The following PARP15 variants were observed in gnomAD, a reference collection of about 807,000 sequenced individuals.
PARP15 encodes protein mono-ADP-ribosyltransferase PARP15.
Under a neutral mutation model 62.1 loss-of-function variants are expected in PARP15, and 50 were observed. The ratio of observed to expected loss-of-function variants is 0.81; its 90% CI spans 0.64 to 1.02. PARP15 has a LOEUF of 1.02. Ranked by LOEUF, PARP15 falls within the 50% of genes least tolerant of loss-of-function variation. The pLI is 0.00. For synonymous variants in PARP15, 309 were observed against 293.1 expected, an observed-to-expected ratio of 1.05 and a Z score of -0.55; for missense variants, 820 against 826.5, an observed-to-expected ratio of 0.99 and a Z score of 0.10.
At chr3:122,597,989 TG>T (rs1186519739) in intron 1 of PARP15, among the ~76,000 whole-genome samples, 2 of 152,234 alleles carry the variant, frequency 1.3e-5, no homozygotes, top group Non-Finnish European at 2.9e-5. Context: ...TTTTCACTGT[TG>T]TGTTATTTTG....
At chr3:122,615,567 G>A in intron 4 of PARP15, 2 of 1,214,088 alleles carry the variant, frequency 1.6e-6, no homozygotes, top group Non-Finnish European at 2.3e-6. Context: ...GACAGTGTTA[G>A]TTTACTCACA....
In PARP15 at chr3:122,615,169, C is replaced by T. The variant is rs528490843; in HGVS notation, c.772-610C>T. 5.7e-5 allele frequency: 69 copies of T among 1,212,802 alleles called. No homozygotes were observed. The East Asian group carries it at 1.0e-3, about 18-fold the overall frequency. 75.1% of individuals were successfully genotyped at this position (1,212,802 alleles called of 1,614,324 possible). A position where few individuals can be genotyped will look rare whatever the true frequency, so the allele number is the denominator to read the frequency against. ...GTGAAACTTTATAACTCTACTCTGT[C>T]GCCCATTGCTCAATTTTATCACTCA... is the stretch of plus-strand genomic sequence containing the variant. On this transcript the variant is annotated intron_variant, in intron 4 of 11. Transcript: ENST00000464300.
chr3:122,609,157 A>ATTTTG (rs968807687), intron 2 of PARP15, among the ~76,000 whole-genome samples: 73 of 152,060 alleles, frequency 4.8e-4, no homozygotes, highest in Admixed American at 1.8e-3. Flanking sequence ...GCTAGATCTA[A>ATTTTG]TTTTGTTTTG....
At chr3:122,612,686 T>C (rs1935656439) in intron 3 of PARP15, among the ~76,000 whole-genome samples, 1 of 152,074 alleles carries the variant, frequency 6.6e-6, no homozygotes, top group African/African-American at 2.4e-5. Context: ...ATTATCTGCC[T>C]GCCTCAGCTT....
At chr3:122,624,234 C>CT (rs1936543047) in intron 8 of PARP15, among the ~76,000 whole-genome samples, 1 of 152,046 alleles carries the variant, frequency 6.6e-6, no homozygotes, top group South Asian at 2.1e-4. Flanking sequence ...TATGAAGTAG[C>CT]TGGAATAGCT....
chr3:122,606,431 C>A (rs773356723), intron 2 of PARP15, among the ~76,000 whole-genome samples: 3 of 152,182 alleles, frequency 2.0e-5, no homozygotes, highest in Non-Finnish European at 4.4e-5. Flanking sequence ...CACAAACACG[C>A]CTTTGCTCCT....
chr3:122,606,984 C>T (rs1215501813), intron 2 of PARP15, among the ~76,000 whole-genome samples: 4 of 149,736 alleles, frequency 2.7e-5, no homozygotes, highest in African/African-American at 1.0e-4. Flanking sequence ...GGGGAGGCAG[C>T]CGGCTGCTTT....
intron 1 of PARP15, among the ~76,000 whole-genome samples, chr3:122,595,704 T>C (rs112386773): frequency 0.084 from 12,712 of 152,152 alleles, 544 homozygotes; most frequent in Non-Finnish European, 0.1. Flanking sequence ...CTAATTTTTG[T>C]ATTTTTTTTG....
Position 122,636,787 on chromosome 3 carries a change from T to C in PARP15, c.*687T>C, listed in dbSNP as rs981390649. ...GGTCTCTCTGAAGTTACAGACAAGA[T>C]GTCAGGGGATGTGGTCGTTTGAAGG... On this transcript the variant is annotated 3_prime_UTR_variant, in exon 12 of 12. Transcript: ENST00000464300. The C allele has an allele frequency of 6.6e-6, 1 of 152,242 alleles. No individual in the cohort carries two copies. Among genetic ancestry groups the C allele is most frequent in the African/African-American group, 2.4e-5 (1 of 41,420 alleles). The allele number at this position is 152,242 out of a possible 1,614,324, so 9.4% of individuals were successfully genotyped here. A position where few individuals can be genotyped will look rare whatever the true frequency, so the allele number is the denominator to read the frequency against.
In PARP15 at chr3:122,593,120, C is replaced by CTATCTATG. The variant is rs373898846; in HGVS notation, c.187-12813_187-12812insCTATGTAT. Among the ~76,000 whole-genome samples, 178 of 30,632 alleles carry CTATCTATG rather than the reference C, an allele frequency of 5.8e-3. 1 individual carries two copies. The highest frequency in any genetic ancestry group is 7.2e-3 in the African/African-American group (171 of 23,656). 20.1% of individuals were successfully genotyped at this position (30,632 alleles called of 152,430 possible). Reference sequence around the variant, plus strand: ...TCTATCTATCTATCTATCTATCTATCTATGTATCTATCTATCATGTATCTA... The same window carrying CTATCTATG: ...TCTATCTATCTATCTATCTATCTATCTATCTATGTATGTATCTATCTATCATGTATCTA... On this transcript the variant is annotated intron_variant, in intron 1 of 11. Coordinates refer to ENST00000464300, the MANE Select transcript of PARP15 (RefSeq NM_001113523.3).
intron 1 of PARP15, among the ~76,000 whole-genome samples, chr3:122,579,999 G>GTGTATATA (rs1553725409): frequency 1.8e-3 from 118 of 64,446 alleles, no homozygotes; most frequent in Middle Eastern, 8.1e-3. Context: ...GCAACTATAT[G>GTGTATATA]TATATATATA....
intron 6 of PARP15, among the ~76,000 whole-genome samples, chr3:122,617,677 G>T (rs1936070748): frequency 6.6e-6 from 1 of 152,014 alleles, no homozygotes; most frequent in South Asian, 2.1e-4. Context: ...ACACATTCGG[G>T]CAGGCCCTCC....
chr3:122,596,354 C>CAAAAAAAAAAA (rs35559014), intron 1 of PARP15, among the ~76,000 whole-genome samples: 1 of 46,916 alleles, frequency 2.1e-5, no homozygotes, highest in Non-Finnish European at 3.7e-5. Context: ...GACTCCATCT[C>CAAAAAAAAAAA]AAAAAAAAAA....
intron 10 of PARP15, among the ~76,000 whole-genome samples, chr3:122,634,596 G>A (rs1353579969): frequency 6.6e-6 from 1 of 152,172 alleles, no homozygotes; most frequent in African/African-American, 2.4e-5. Context: ...ATAACAGAAA[G>A]AATTGTTATG....
chr3:122,593,128 C>CTATG (rs1351045326), intron 1 of PARP15, among the ~76,000 whole-genome samples: 6 of 148,136 alleles, frequency 4.1e-5, no homozygotes, highest in Non-Finnish European at 6.0e-5. Flanking sequence ...ATCTATGTAT[C>CTATG]TATCTATCAT....
chr3:122,611,703 ATATT>A (rs199753703), intron 3 of PARP15, among the ~76,000 whole-genome samples: 4,238 of 151,530 alleles, frequency 0.028, 211 homozygotes, highest in African/African-American at 0.096. Context: ...GACTTTATGC[ATATT>A]TATTTATTTA....
intron 1 of PARP15, chr3:122,594,593 T>C: frequency 1.0e-6 from 1 of 963,040 alleles, no homozygotes; most frequent in Non-Finnish European, 1.2e-6. Context: ...GTAGGGGAGG[T>C]TGAAATTGAC....
At chr3:122,628,502 G>T (rs1936872667) in intron 9 of PARP15, among the ~76,000 whole-genome samples, 1 of 152,126 alleles carries the variant, frequency 6.6e-6, no homozygotes, top group Non-Finnish European at 1.5e-5. Flanking sequence ...CCTTGTAGAT[G>T]AAAATTTTTA....
At chr3:122,591,603 A>T (rs1933920226) in intron 1 of PARP15, among the ~76,000 whole-genome samples, 1 of 152,114 alleles carries the variant, frequency 6.6e-6, no homozygotes, top group South Asian at 2.1e-4. Context: ...TCTACTAAAA[A>T]TACAAATATT....
Sources: allele counts gnomAD v4.1 joint callset (sites outside exome capture counted in the v4.1 genomes callset), GRCh38; gene constraint gnomAD v4.1.1; transcripts MANE v1.5; gene names NCBI Gene and HGNC (gene_info 2026-07-23, HGNC 2026-07-21).